Variants in CTXN2 observed in about 807,000 individuals in gnomAD.
The protein encoded by CTXN2 is cortexin-2.
Under a neutral mutation model 5.7 loss-of-function variants are expected in CTXN2, and 3 were observed. That is an observed-to-expected ratio of 0.53 (90% CI 0.24 to 1.36). The LOEUF (loss-of-function observed/expected upper bound fraction) is 1.36. Ranked by LOEUF, CTXN2 falls within the 40% of genes most tolerant of loss-of-function variation. The probability of loss-of-function intolerance (pLI) is 0.17; values close to 1 mark genes in which losing one functional copy is unlikely to be tolerated. For synonymous variants in CTXN2, 38 were observed against 36.4 expected, an observed-to-expected ratio of 1.04 and a Z score of -0.16; for missense variants, 87 against 93.0, an observed-to-expected ratio of 0.94 and a Z score of 0.26.
upstream of CTXN2, among the ~76,000 whole-genome samples, chr15:48,186,909 CAAAAA>C (rs751653728): frequency 4.5e-5 from 2 of 44,556 alleles, no homozygotes; most frequent in African/African-American, 8.5e-5. Context: ...GACTCCATCT[CAAAAA>C]AAAAAAAAAA....
At chr15:48,186,956 T>A (rs2040763296), upstream of CTXN2, among the ~76,000 whole-genome samples, 1 of 150,702 alleles carries the variant, frequency 6.6e-6, no homozygotes, top group African/African-American at 2.4e-5. Flanking sequence ...CATTCAATAC[T>A]TCGTTGTAAA....
intron 1 of CTXN2, among the ~76,000 whole-genome samples, chr15:48,185,004 A>C (rs2140969843): frequency 6.6e-6 from 1 of 152,284 alleles, no homozygotes; most frequent in South Asian, 2.1e-4. Flanking sequence ...AAAGTCATGA[A>C]GGATGCTTAC....
intron 1 of CTXN2, among the ~76,000 whole-genome samples, chr15:48,184,789 G>T (rs6493307): frequency 1.3e-5 from 2 of 152,166 alleles, no homozygotes; most frequent in Admixed American, 6.5e-5. Context: ...CAATCACGCT[G>T]TTAGTTATTT....
intron 1 of CTXN2, among the ~76,000 whole-genome samples, chr15:48,199,251 A>C: frequency 6.6e-6 from 1 of 152,178 alleles, no homozygotes; most frequent in Non-Finnish European, 1.5e-5. Context: ...CTTTGGGTGA[A>C]GCAGCTCTCT....
At position 48,201,493 on chromosome 15, in the gene CTXN2, G is replaced by A. The variant is rs1864035017; in HGVS notation, c.193G>A (p.Glu65Lys). The A allele has an allele frequency of 1.3e-6, 2 of 1,551,094 alleles. No homozygotes were observed. The highest frequency in any genetic ancestry group is 2.7e-5 in the African/African-American group (2 of 73,008). The change falls in exon 2 of 2, where the codon GAA (glutamate) becomes AAA (lysine). Residue 65 changes from glutamate to lysine, a missense_variant. Coordinates refer to ENST00000417307, the MANE Select transcript of CTXN2 (RefSeq NM_001145668.2). ...TAGTAGCATGCCTTCCTCTACATGG[G>A]AAGATGAAGTTGAAGAGTTTGATAA... ...PYSSMPSSTW[E>K]DEVEEFDKGT... is the part of the protein sequence containing the mutation.
intron 1 of CTXN2, among the ~76,000 whole-genome samples, chr15:48,194,354 G>A (rs568666214): frequency 6.6e-5 from 10 of 151,892 alleles, no homozygotes; most frequent in South Asian, 4.2e-4. Context: ...CTTCTGTACC[G>A]ACTAAGTAAA....
chr15:48,180,238 C>G (rs1849834931), intron 1 of CTXN2, among the ~76,000 whole-genome samples: 1 of 152,108 alleles, frequency 6.6e-6, no homozygotes, highest in African/African-American at 2.4e-5. Context: ...TAGCTTGGTT[C>G]TAGTCCTGAT....
At position 48,201,736 on chromosome 15, in the gene CTXN2, C is replaced by T; in HGVS notation, c.*190C>T. On this transcript the variant is annotated 3_prime_UTR_variant, in exon 2 of 2. Coordinates refer to ENST00000417307, the MANE Select transcript of CTXN2 (RefSeq NM_001145668.2). ...GGGATTCCTCACTTTCCTCTGTTCC[C>T]ACTTAGAGGTTTCCAATGAATAGAG... 1 of 630,172 alleles carries T rather than the reference C, an allele frequency of 1.6e-6. No homozygotes were observed. The highest frequency in any genetic ancestry group is 2.9e-5 in the East Asian group (1 of 34,980). 39.0% of individuals were successfully genotyped at this position (630,172 alleles called of 1,614,324 possible). A position where few individuals can be genotyped will look rare whatever the true frequency, so the allele number is the denominator to read the frequency against.
Position 48,191,819 on chromosome 15 carries a change from G to C in CTXN2, c.-92G>C, listed in dbSNP as rs958242762. 1.1e-5 allele frequency: 5 copies of C among 455,908 alleles called. No homozygotes were observed. The highest frequency in any genetic ancestry group is 8.0e-5 in the African/African-American group (4 of 50,036). The allele number at this position is 455,908 out of a possible 1,614,324, so 28.2% of individuals were successfully genotyped here. A position where few individuals can be genotyped will look rare whatever the true frequency, so the allele number is the denominator to read the frequency against. On this transcript the variant is annotated 5_prime_UTR_variant, in exon 1 of 2. Coordinates refer to ENST00000417307, the MANE Select transcript of CTXN2 (RefSeq NM_001145668.2). ...AACGTGCCAACACTTAAGTCTACTG[G>C]CTGGACTTCATCTCCATGGCAACAA...
chr15:48,190,175 A>C (rs1366103514), upstream of CTXN2: 1 of 152,242 alleles, frequency 6.6e-6, no homozygotes. Flanking sequence ...ATTGTCAGAA[A>C]AGCACAATCT....
At chr15:48,180,897 C>T (rs1453962401) in intron 1 of CTXN2, among the ~76,000 whole-genome samples, 1 of 152,208 alleles carries the variant, frequency 6.6e-6, no homozygotes, top group African/African-American at 2.4e-5. Flanking sequence ...CTTATTTTCC[C>T]ATGATTCACA....
chr15:48,187,945 A>G (rs1304881426), upstream of CTXN2, among the ~76,000 whole-genome samples: 2 of 152,148 alleles, frequency 1.3e-5, no homozygotes, highest in African/African-American at 4.8e-5. Flanking sequence ...CGTCATCTTG[A>G]CATTTTAATA....
Position 48,184,031 on chromosome 15 carries a change from TA to T in CTXN2, c.-455+5637del, listed in dbSNP as rs1451570111. Among the ~76,000 whole-genome samples, 5 of 152,338 alleles carry T rather than the reference TA, an allele frequency of 3.3e-5. No homozygotes were observed. In the East Asian group the frequency reaches 9.6e-4, roughly 29 times the overall value. On this transcript the variant is annotated intron_variant, in intron 1 of 2. Coordinates refer to the CTXN2 transcript ENST00000644354. The stretch of plus-strand genomic sequence containing the variant: ...GAACTACTGTAGAACTACTGTAGAC[TA>T]AAAAATTATTACAATTAATCAGTCC...
chr15:48,184,036 A>T (rs925158740), intron 1 of CTXN2, among the ~76,000 whole-genome samples: 2 of 152,206 alleles, frequency 1.3e-5, no homozygotes, highest in Non-Finnish European at 2.9e-5. Context: ...TAGACTAAAA[A>T]ATTATTACAA....
intron 1 of CTXN2, among the ~76,000 whole-genome samples, chr15:48,195,974 A>G (rs1597386861): frequency 6.6e-6 from 1 of 152,082 alleles, no homozygotes; most frequent in Non-Finnish European, 1.5e-5. Flanking sequence ...GTGCATGTCT[A>G]CTAGAGCATA....
chr15:48,193,946 G>A (rs2040851885), intron 1 of CTXN2, among the ~76,000 whole-genome samples: 1 of 152,042 alleles, frequency 6.6e-6, no homozygotes, highest in Non-Finnish European at 1.5e-5. Context: ...TATTTCAACT[G>A]CTATATATAT....
At chr15:48,195,233 T>C (rs1004460045) in intron 1 of CTXN2, among the ~76,000 whole-genome samples, 2 of 152,008 alleles carry the variant, frequency 1.3e-5, no homozygotes, top group African/African-American at 4.8e-5. Context: ...CTTTGATGCC[T>C]CTCTCTCCTT....
chr15:48,190,943 T>C (rs972307030), upstream of CTXN2: 1 of 152,292 alleles, frequency 6.6e-6, no homozygotes, highest in Non-Finnish European at 1.5e-5. Context: ...CTGGCAGCTA[T>C]CTAGAGCTTT....
chr15:48,193,486 T>A (rs2040845066), intron 1 of CTXN2, among the ~76,000 whole-genome samples: 1 of 152,130 alleles, frequency 6.6e-6, no homozygotes, highest in Non-Finnish European at 1.5e-5. Flanking sequence ...ACTATTTTTA[T>A]ATGGATTTTT....
Sources: gnomAD v4.1 joint callset for allele counts (sites outside exome capture counted in the v4.1 genomes callset) on GRCh38, gnomAD v4.1.1 for gene constraint, MANE v1.5 for transcripts, NCBI Gene and HGNC (gene_info 2026-07-23, HGNC 2026-07-21) for gene names.